The following SEMA6D variants were observed in gnomAD, a reference collection of about 807,000 sequenced individuals.
The protein encoded by SEMA6D is semaphorin 6D.
SEMA6D carries 35 observed loss-of-function variants against 106.6 expected under a neutral mutation model. That is an observed-to-expected ratio of 0.33 (90% CI 0.25 to 0.44). The LOEUF (loss-of-function observed/expected upper bound fraction) is 0.44. Among genes scored for constraint, SEMA6D ranks in the 20% least tolerant of loss-of-function variants. SEMA6D has a pLI of 1.00. For missense variants in SEMA6D, 1,185 were observed against 1,345.9 expected (o/e 0.88, Z 1.87); for synonymous variants, 499 against 487.7 (o/e 1.02, Z -0.31).
At chr15:47,358,589 A>C (rs1250516388) in intron 1 of SEMA6D, among the ~76,000 whole-genome samples, 1 of 152,156 alleles carries the variant, frequency 6.6e-6, no homozygotes, top group Admixed American at 6.5e-5. Flanking sequence ...GTCGTGGTGA[A>C]AGGATCATCT....
chr15:47,315,066 C>A (rs567625490), intron 1 of SEMA6D, among the ~76,000 whole-genome samples: 7 of 151,580 alleles, frequency 4.6e-5, no homozygotes, highest in African/African-American at 1.5e-4. Flanking sequence ...CGGGGTTTCA[C>A]CGTGTTAGCC....
At chr15:47,507,904 C>T (rs13379901) in intron 3 of SEMA6D, among the ~76,000 whole-genome samples, 5,064 of 152,292 alleles carry the variant, frequency 0.033, 188 homozygotes, top group African/African-American at 0.086. Context: ...CAAGTACCTT[C>T]GGGCTACAGA....
intron 1 of SEMA6D, among the ~76,000 whole-genome samples, chr15:47,382,751 C>T (rs963938758): frequency 6.6e-6 from 1 of 152,122 alleles, no homozygotes; most frequent in African/African-American, 2.4e-5. Context: ...TTAACTCTTG[C>T]TTGTTAGTCC....
chr15:47,755,502 A>G (rs1269452542), intron 1 of SEMA6D, among the ~76,000 whole-genome samples: 1 of 152,128 alleles, frequency 6.6e-6, no homozygotes, highest in African/African-American at 2.4e-5. Flanking sequence ...TAGTCTCTGG[A>G]TGATGTTATC....
chr15:47,385,065 T>TTTTTTTTA lies in SEMA6D; in HGVS notation c.-238-27328_-238-27327insTTTTTTTA, dbSNP rs35758807. Among the ~76,000 whole-genome samples, 7 of 137,230 alleles carry TTTTTTTTA rather than the reference T, an allele frequency of 5.1e-5. 1 individual carries two copies. The highest frequency in any genetic ancestry group is 8.3e-5 in the African/African-American group (3 of 36,248). The allele number at this position is 137,230 out of a possible 152,430, so 90.0% of individuals were successfully genotyped here. The stretch of plus-strand genomic sequence containing the variant: ...CTGTAATTTTTTTTTTTTTTTTTTT[T>TTTTTTTTA]ACCATAGAACTCATAAGGCAGCGTT... On this transcript the variant is annotated intron_variant, in intron 1 of 19. Transcript: ENST00000558014.
intron 8 of SEMA6D, among the ~76,000 whole-genome samples, 177 bp downstream of exon 8, chr15:47,762,496 A>G (rs2082114685): frequency 6.6e-6 from 1 of 152,118 alleles, no homozygotes; most frequent in African/African-American, 2.4e-5. Flanking sequence ...GCTGGTAGCC[A>G]TGTCAGAAGA....
rs779884565 is a variant in SEMA6D, at chr15:47,207,991, G to GCACACA, written c.-239+23574_-239+23575insACACAC. On this transcript the variant is annotated intron_variant, in intron 1 of 19. Coordinates refer to the SEMA6D transcript ENST00000558014. The stretch of plus-strand genomic sequence containing the variant: ...ACAGGTACAGTAGCCACTGGCGCGC[G>GCACACA]CGCACACACACACACACACACACAC... 1.4e-3 allele frequency among the ~76,000 whole-genome samples: 171 copies of GCACACA among 122,972 alleles called. 3 individuals are homozygous for GCACACA. The highest frequency in any genetic ancestry group is 2.2e-3 in the East Asian group (9 of 4,148). The allele number at this position is 122,972 out of a possible 152,430, so 80.7% of individuals were successfully genotyped here. A position where few individuals can be genotyped will look rare whatever the true frequency, so the allele number is the denominator to read the frequency against.
intron 1 of SEMA6D, among the ~76,000 whole-genome samples, chr15:47,331,384 A>C (rs1357850122): frequency 1.3e-5 from 2 of 152,210 alleles, no homozygotes; most frequent in Non-Finnish European, 2.9e-5. Context: ...GAAAAATCAG[A>C]AACTAATAAA....
chr15:47,765,054 A>G lies in SEMA6D; in HGVS notation c.1425A>G (p.Ala475=), dbSNP rs2082265036. ...LLEEIEAYNH[A]KCSAENEEDK... is the part of the protein sequence containing the mutation. Reference sequence around the variant, plus strand: ...AAGAGATTGAAGCCTACAACCATGCAAAGTAGGTATATGTTACGAGAACGC... The same window carrying G: ...AAGAGATTGAAGCCTACAACCATGCGAAGTAGGTATATGTTACGAGAACGC... The change falls in exon 13 of 19, where the codon GCA becomes GCG. Residue 475 remains alanine (A), a splice_region_variant and synonymous_variant. Coordinates refer to ENST00000536845, the MANE Select transcript of SEMA6D (RefSeq NM_001358351.3). The G allele has an allele frequency of 9.9e-6, 16 of 1,613,732 alleles. No homozygotes were observed. Among genetic ancestry groups the G allele is most frequent in the African/African-American group, 1.3e-5 (1 of 75,034 alleles).
chr15:47,736,283 A>G (rs932809355), intron 1 of SEMA6D, among the ~76,000 whole-genome samples: 17 of 152,158 alleles, frequency 1.1e-4, no homozygotes, highest in Admixed American at 3.9e-4. Context: ...GAGTGGGCTG[A>G]TTTGAAAAGA....
intron 3 of SEMA6D, among the ~76,000 whole-genome samples, chr15:47,504,575 G>A (rs1014820207): frequency 3.9e-5 from 6 of 152,176 alleles, no homozygotes; most frequent in South Asian, 2.1e-4. Context: ...AATTACAGTC[G>A]TCAGACAGAT....
At chr15:47,404,881 G>T (rs281315) in intron 1 of SEMA6D, among the ~76,000 whole-genome samples, 1 of 151,978 alleles carries the variant, frequency 6.6e-6, no homozygotes, top group African/African-American at 2.4e-5. Context: ...CCAGAAATCT[G>T]TAGTTTCATA....
At chr15:47,446,218 T>C (rs1439764063) in intron 2 of SEMA6D, among the ~76,000 whole-genome samples, 3 of 151,992 alleles carry the variant, frequency 2.0e-5, no homozygotes, top group Non-Finnish European at 4.4e-5. Context: ...AGGGAGGCAA[T>C]GATCACTTCT....
At chr15:47,492,050 A>G (rs968611459) in intron 3 of SEMA6D, among the ~76,000 whole-genome samples, 1 of 152,198 alleles carries the variant, frequency 6.6e-6, no homozygotes, top group Non-Finnish European at 1.5e-5. Context: ...TAGAAATTCA[A>G]GAAGATGGTA....
intron 4 of SEMA6D, among the ~76,000 whole-genome samples, chr15:47,708,312 G>A (rs1022790632): frequency 2.0e-5 from 3 of 151,942 alleles, no homozygotes; most frequent in African/African-American, 2.4e-5. Context: ...AACACTAATC[G>A]TGGCCCCAGT....
chr15:47,355,465 G>A (rs2144932022), intron 1 of SEMA6D, among the ~76,000 whole-genome samples: 1 of 152,286 alleles, frequency 6.6e-6, no homozygotes, highest in Admixed American at 6.5e-5. Context: ...AAATAATTTA[G>A]ATTTGAGGAT....
intron 4 of SEMA6D, among the ~76,000 whole-genome samples, chr15:47,686,330 C>A (rs1175198934): frequency 6.6e-6 from 1 of 152,194 alleles, no homozygotes; most frequent in African/African-American, 2.4e-5. Context: ...CTGAAACTTT[C>A]TTTAAGTGCT....
intron 4 of SEMA6D, among the ~76,000 whole-genome samples, chr15:47,690,426 T>G (rs1469753372): frequency 6.6e-6 from 1 of 152,220 alleles, no homozygotes; most frequent in Non-Finnish European, 1.5e-5. Flanking sequence ...TTTCTTGATT[T>G]CAGACTTTGT....
chr15:47,552,466 G>A (rs1181937836), intron 3 of SEMA6D, among the ~76,000 whole-genome samples: 2 of 149,346 alleles, frequency 1.3e-5, no homozygotes, highest in Non-Finnish European at 3.0e-5. Context: ...AAATGGCAAT[G>A]TATGTGTGTG....
Sources: gnomAD v4.1 joint callset for allele counts (sites outside exome capture counted in the v4.1 genomes callset) on GRCh38, gnomAD v4.1.1 for gene constraint, MANE v1.5 for transcripts, NCBI Gene and HGNC (gene_info 2026-07-23, HGNC 2026-07-21) for gene names.